The following PCDH15 variants were observed in gnomAD, a reference collection of about 807,000 sequenced individuals.
The protein encoded by PCDH15 is protocadherin-15.
A neutral mutation model predicts 178.5 loss-of-function variants in PCDH15; 129 were observed. The ratio of observed to expected loss-of-function variants is 0.72; its 90% CI spans 0.63 to 0.84. The LOEUF (loss-of-function observed/expected upper bound fraction) is 0.84, where lower values mean the gene tolerates loss of function less well. Ranked by LOEUF, PCDH15 falls within the 40% of genes least tolerant of loss-of-function variation. PCDH15 has a pLI of 0.00. For synonymous variants in PCDH15, 800 were observed against 732.0 expected (o/e 1.09, Z -1.50); for missense variants, 2,230 against 2,099.9 (o/e 1.06, Z -1.21).
chr10:54,889,415 C>T (rs943550667), intron 3 of PCDH15, among the ~76,000 whole-genome samples: 2 of 150,820 alleles, frequency 1.3e-5, no homozygotes, highest in African/African-American at 2.4e-5. Context: ...TCCCCAAACA[C>T]GCGCACAGAA....
At chr10:53,994,983 G>A (rs943306415) in intron 21 of PCDH15, 2 of 151,856 alleles carry the variant, frequency 1.3e-5, no homozygotes, top group Non-Finnish European at 2.9e-5. Flanking sequence ...CCAACTTACA[G>A]TGTGAGCCCA....
At chr10:54,695,407 T>C (rs1265289419) in intron 1 of PCDH15, among the ~76,000 whole-genome samples, 1 of 152,152 alleles carries the variant, frequency 6.6e-6, no homozygotes, top group African/African-American at 2.4e-5. Context: ...AGGTTGTTTA[T>C]AACATTTAAT....
intron 2 of PCDH15, among the ~76,000 whole-genome samples, chr10:55,107,851 A>G (rs1186242396): frequency 6.6e-6 from 1 of 151,574 alleles, no homozygotes; most frequent in Non-Finnish European, 1.5e-5. Context: ...TTCTGTTTAC[A>G]CTCTTGCTAT....
intron 3 of PCDH15, among the ~76,000 whole-genome samples, chr10:54,521,734 A>G (rs938551337): frequency 5.3e-5 from 8 of 152,294 alleles, no homozygotes; most frequent in African/African-American, 1.7e-4. Flanking sequence ...CAGTGATACC[A>G]CTGAGCCAAA....
At chr10:54,039,144 C>CA (rs200517760) in intron 18 of PCDH15, among the ~76,000 whole-genome samples, 1 of 151,806 alleles carries the variant, frequency 6.6e-6, no homozygotes, top group African/African-American at 2.4e-5. Context: ...TTCAGAAAAA[C>CA]AAAAAATAAG....
intron 3 of PCDH15, among the ~76,000 whole-genome samples, chr10:54,417,289 G>A (rs541274720): frequency 6.6e-6 from 1 of 152,076 alleles, no homozygotes. Flanking sequence ...ATACTGATTT[G>A]CATTTATCCA....
chr10:55,004,507 T>C (rs546267010), intron 2 of PCDH15, among the ~76,000 whole-genome samples: 1 of 152,216 alleles, frequency 6.6e-6, no homozygotes, highest in African/African-American at 2.4e-5. Flanking sequence ...ACCTACCAGA[T>C]CACAACATCT....
intron 1 of PCDH15, among the ~76,000 whole-genome samples, chr10:54,664,990 A>G (rs2094547939): frequency 6.6e-6 from 1 of 151,938 alleles, no homozygotes; most frequent in Admixed American, 6.6e-5. Context: ...TATTGAAAGA[A>G]TGACATCCTC....
At chr10:55,179,482 C>T (rs1044827121) in intron 1 of PCDH15, among the ~76,000 whole-genome samples, 2 of 151,960 alleles carry the variant, frequency 1.3e-5, no homozygotes, top group African/African-American at 4.8e-5. Context: ...TCAATTTGTT[C>T]CTTCTCGATG....
intron 20 of PCDH15, among the ~76,000 whole-genome samples, chr10:54,009,049 G>T (rs1181185320): frequency 6.6e-6 from 1 of 151,656 alleles, no homozygotes; most frequent in East Asian, 1.9e-4. Context: ...CTCCCTTCAG[G>T]CAATCCATAA....
chr10:55,263,405 C>T (rs1298644115), intron 1 of PCDH15, among the ~76,000 whole-genome samples: 1 of 152,186 alleles, frequency 6.6e-6, no homozygotes, highest in East Asian at 1.9e-4. Context: ...GAGGTGCCAC[C>T]TATGCCTCCA....
intron 2 of PCDH15, among the ~76,000 whole-genome samples, chr10:54,985,061 A>G (rs2131909202): frequency 6.6e-6 from 1 of 152,246 alleles, no homozygotes; most frequent in East Asian, 1.9e-4. Context: ...GACCAACATT[A>G]TATGACCTAT....
At chr10:53,878,307 T>C (rs1053678974) in intron 26 of PCDH15, among the ~76,000 whole-genome samples, 1 of 70,678 alleles carries the variant, frequency 1.4e-5, no homozygotes, top group Admixed American at 2.0e-4. Context: ...ATATAGACTA[T>C]ATATATTCTA....
chr10:55,397,699 C>G (rs1837963461), intron 2 of PCDH15, among the ~76,000 whole-genome samples: 1 of 152,082 alleles, frequency 6.6e-6, no homozygotes, highest in Admixed American at 6.5e-5. Context: ...AATTCTCCTG[C>G]CTCAGCCTCC....
chr10:54,211,362 C>T (rs1165023711), intron 10 of PCDH15, among the ~76,000 whole-genome samples: 1 of 152,096 alleles, frequency 6.6e-6, no homozygotes, highest in Non-Finnish European at 1.5e-5. Context: ...TTAAAGTATG[C>T]TTAAATGATT....
chr10:55,312,862 C>G (rs1012679129), intron 1 of PCDH15, among the ~76,000 whole-genome samples: 1 of 152,098 alleles, frequency 6.6e-6, no homozygotes, highest in African/African-American at 2.4e-5. Flanking sequence ...AGTGATCCAC[C>G]CGCCTCGGCC....
intron 26 of PCDH15, among the ~76,000 whole-genome samples, chr10:53,869,873 C>T (rs1008112877): frequency 6.6e-6 from 1 of 152,122 alleles, no homozygotes; most frequent in South Asian, 2.1e-4. Context: ...CCTAATCTAA[C>T]ATTGTTGATT....
At chr10:53,934,436 C>G (rs1490483680) in intron 25 of PCDH15, among the ~76,000 whole-genome samples, 1 of 151,950 alleles carries the variant, frequency 6.6e-6, no homozygotes, top group Admixed American at 6.6e-5. Context: ...TACCCACATG[C>G]ACAGAAGGCT....
intron 2 of PCDH15, among the ~76,000 whole-genome samples, chr10:54,562,032 C>G (rs1168028675): frequency 7.5e-6 from 1 of 132,510 alleles, no homozygotes; most frequent in Non-Finnish European, 1.5e-5. Flanking sequence ...CCTCTATTGC[C>G]CAGGCTGGAA....
Sources: gnomAD v4.1 joint callset for allele counts (sites outside exome capture counted in the v4.1 genomes callset) on GRCh38, gnomAD v4.1.1 for gene constraint, MANE v1.5 for transcripts, NCBI Gene and HGNC (gene_info 2026-07-23, HGNC 2026-07-21) for gene names.